Variants in PTPN2 observed in about 807,000 individuals in gnomAD.
PTPN2 encodes the protein tyrosine-protein phosphatase non-receptor type 2.
A neutral mutation model predicts 57.3 loss-of-function variants in PTPN2; 19 were observed. That is an observed-to-expected ratio of 0.33 (90% CI 0.23 to 0.49). PTPN2 has a LOEUF of 0.49. PTPN2 is among the 20% of genes least tolerant of loss of function. The pLI is 0.99. For synonymous variants in PTPN2, 153 were observed against 164.9 expected (o/e 0.93, Z 0.55); for missense variants, 358 against 501.1 (o/e 0.71, Z 2.73).
At chr18:12,785,907 A>AT in intron 9 of PTPN2, 1 of 1,351,810 alleles carries the variant, frequency 7.4e-7, no homozygotes, top group Non-Finnish European at 1.1e-6. Flanking sequence ...AGACGAACAT[A>AT]GATGCACACA....
At position 12,820,178 on chromosome 18, in the gene PTPN2, GCCAGTT is replaced by G. The variant is rs1252667337; in HGVS notation, c.496-2819_496-2814del. On this transcript the variant is annotated intron_variant, in intron 5 of 8. Coordinates refer to ENST00000309660, the MANE Select transcript of PTPN2 (RefSeq NM_002828.4). Reference sequence around the variant, plus strand: ...GGTCACGCTGTCTGGGATATTGGAAGCCAGTTCCCAGAAATGCTCATGACTATTTGT... The same window carrying G: ...GGTCACGCTGTCTGGGATATTGGAAGCCCAGAAATGCTCATGACTATTTGT... 1.0e-3 allele frequency among the ~76,000 whole-genome samples: 156 copies of G among 152,310 alleles called. 1 individual carries two copies. Among genetic ancestry groups the G allele is most frequent in the African/African-American group, 3.6e-3 (149 of 41,568 alleles).
At chr18:12,798,908 C>T (rs1357023684) in intron 8 of PTPN2, among the ~76,000 whole-genome samples, 1 of 152,162 alleles carries the variant, frequency 6.6e-6, no homozygotes, top group South Asian at 2.1e-4. Flanking sequence ...TCCACAACCT[C>T]GCCAGCATCT....
intron 1 of PTPN2, chr18:12,862,521 C>G (rs931733917): frequency 7.2e-5 from 11 of 152,260 alleles, no homozygotes; most frequent in African/African-American, 2.7e-4. Flanking sequence ...ATGAGCCCAG[C>G]TGAAAACTAT....
At chr18:12,830,100 A>ATTTTTTTTTTTTT (rs148424474) in intron 4 of PTPN2, among the ~76,000 whole-genome samples, 2 of 147,618 alleles carry the variant, frequency 1.4e-5, no homozygotes, top group Non-Finnish European at 3.0e-5. Context: ...ATAATCCTTG[A>ATTTTTTTTTTTTT]TTTTTTTTTT....
At chr18:12,795,776 C>T (rs1325205220) in intron 8 of PTPN2, among the ~76,000 whole-genome samples, 1 of 152,100 alleles carries the variant, frequency 6.6e-6, no homozygotes, top group African/African-American at 2.4e-5. Context: ...AACAAAAAAA[C>T]GGCCAATGGC....
At chr18:12,846,100 T>C (rs2043196796) in intron 2 of PTPN2, among the ~76,000 whole-genome samples, 1 of 152,236 alleles carries the variant, frequency 6.6e-6, no homozygotes, top group South Asian at 2.1e-4. Flanking sequence ...TTGTATATTT[T>C]TGGCATGTTC....
intron 5 of PTPN2, among the ~76,000 whole-genome samples, chr18:12,820,492 A>G (rs1304547262): frequency 6.6e-6 from 1 of 152,174 alleles, no homozygotes; most frequent in Admixed American, 6.5e-5. Context: ...TGAGAGGGGA[A>G]AAAAAGGGTT....
intron 5 of PTPN2, among the ~76,000 whole-genome samples, chr18:12,818,513 T>G (rs541582315): frequency 4.0e-4 from 61 of 152,284 alleles, no homozygotes; most frequent in Non-Finnish European, 6.3e-4. Context: ...TATTTCTAAC[T>G]CATTATGAAA....
At chr18:12,876,319 T>A (rs189243457) in intron 1 of PTPN2, among the ~76,000 whole-genome samples, 1 of 35,712 alleles carries the variant, frequency 2.8e-5, no homozygotes, top group African/African-American at 1.7e-4. Context: ...AAGAAGAAAT[T>A]TGTCAGGCGT....
In PTPN2 at chr18:12,882,755, G is replaced by A. The variant is rs114431239; in HGVS notation, c.69+1318C>T. 1.3e-3 allele frequency among the ~76,000 whole-genome samples: 197 copies of A among 152,266 alleles called. 1 individual carries two copies. Among genetic ancestry groups the A allele is most frequent in the African/African-American group, 4.4e-3 (184 of 41,558 alleles). ...GAATATTTATACTTCCCACTAATGT[G>A]TTCAAGAAGAAAACGTTACTTTCTG... On this transcript the variant is annotated intron_variant, in intron 1 of 8. Coordinates refer to ENST00000309660, the MANE Select transcript of PTPN2 (RefSeq NM_002828.4).
chr18:12,878,525 C>T (rs1390177867), intron 1 of PTPN2, among the ~76,000 whole-genome samples: 1 of 151,918 alleles, frequency 6.6e-6, no homozygotes, highest in Non-Finnish European at 1.5e-5. Flanking sequence ...CAAAAATTAG[C>T]TGGGCGTGCT....
Position 12,884,150 on chromosome 18 carries a change from G to T in PTPN2, c.-9C>A, listed in dbSNP as rs374335430. 1.1e-5 allele frequency: 17 copies of T among 1,578,006 alleles called. No homozygotes were observed. Among genetic ancestry groups the T allele is most frequent in the Admixed American group, 3.6e-5 (2 of 55,284 alleles). ...TCGATGGTGGTGGGCATGGCTGCGG[G>T]AGCGAGCTGGCGCGAGCAGAGCCTG... On this transcript the variant is annotated 5_prime_UTR_variant, in exon 1 of 9. Transcript: ENST00000309660.
intron 6 of PTPN2, among the ~76,000 whole-genome samples, 178 bp from the exon 7 acceptor site, chr18:12,814,533 T>TC (rs2042000510): frequency 6.6e-6 from 1 of 152,150 alleles, no homozygotes; most frequent in African/African-American, 2.4e-5. Flanking sequence ...TACTCATCCC[T>TC]CCCCACATCT....
At chr18:12,868,285 G>A (rs528228322) in intron 1 of PTPN2, among the ~76,000 whole-genome samples, 46 of 151,848 alleles carry the variant, frequency 3.0e-4, no homozygotes, top group Non-Finnish European at 5.4e-4. Context: ...ACTCTGTCTG[G>A]ACTGACTGGA....
rs1204158557 is a variant in PTPN2 at position 12,870,512 on chromosome 18, T to G, written c.70-11258A>C. Among the ~76,000 whole-genome samples the G allele has an allele frequency of 7.9e-5, 6 of 75,708 alleles. 1 individual carries two copies. Among genetic ancestry groups the G allele is most frequent in the Non-Finnish European group, 1.4e-4 (6 of 44,042 alleles). The allele number at this position is 75,708 out of a possible 152,430, so 49.7% of individuals were successfully genotyped here. On this transcript the variant is annotated intron_variant, in intron 1 of 8. Coordinates refer to ENST00000309660, the MANE Select transcript of PTPN2 (RefSeq NM_002828.4). ...AGAGAGAGAGAGAAAAGCGTGTTGT[T>G]TTTTTTTTTTTTTTGAGACAGAGTT... is the stretch of plus-strand genomic sequence containing the variant.
intron 3 of PTPN2, among the ~76,000 whole-genome samples, chr18:12,836,540 G>C (rs1399190894): frequency 6.6e-6 from 1 of 152,214 alleles, no homozygotes; most frequent in East Asian, 1.9e-4. Context: ...ATCTGCCAAA[G>C]AACTGGCCTA....
downstream of PTPN2, among the ~76,000 whole-genome samples, chr18:12,790,484 A>G (rs1834697584): frequency 6.6e-6 from 1 of 152,190 alleles, no homozygotes; most frequent in Non-Finnish European, 1.5e-5. Flanking sequence ...GACATGTTAC[A>G]CATCTGAGAC....
chr18:12,796,349 A>G (rs2041185786), intron 8 of PTPN2, among the ~76,000 whole-genome samples: 2 of 152,250 alleles, frequency 1.3e-5, no homozygotes, highest in African/African-American at 2.4e-5. Context: ...ACTGAATTGT[A>G]TACTTTAAAT....
At position 12,884,087 on chromosome 18, in the gene PTPN2, G is replaced by T; in HGVS notation, c.55C>A (p.Gln19Lys). The change falls in exon 1 of 9, where the codon CAG (glutamine) becomes AAG (lysine). Residue 19 changes from glutamine (Q) to lysine (K), a missense_variant. By Grantham distance (53) the Gln-to-Lys change is moderately conservative. Transcript: ENST00000309660. ...CCGCGACTCACCAAGTACAGCGGCTGCCAGCGACGCTGAGTATCCAACTCT... is the reference window on the plus strand; with the variant it reads ...CCGCGACTCACCAAGTACAGCGGCTTCCAGCGACGCTGAGTATCCAACTCT... Reference protein sequence around the residue: ...FEELDTQRRWQPLYLEIRNES... With the variant: ...FEELDTQRRWKPLYLEIRNES... 6.3e-7 allele frequency: 1 copy of T among 1,581,660 alleles called. No homozygotes were observed. Among genetic ancestry groups the T allele is most frequent in the Non-Finnish European group, 8.6e-7 (1 of 1,165,520 alleles).
Sources: allele counts gnomAD v4.1 joint callset (sites outside exome capture counted in the v4.1 genomes callset), GRCh38; gene constraint gnomAD v4.1.1; transcripts MANE v1.5; gene names NCBI Gene and HGNC (gene_info 2026-07-23, HGNC 2026-07-21).